MS4A4A: variants seen among roughly 807,000 people sequenced by gnomAD.
MS4A4A encodes membrane spanning 4-domains A4A.
In MS4A4A, 26 loss-of-function variants were observed where a neutral mutation model predicts 28.0. That is an observed-to-expected ratio of 0.93 (90% CI 0.68 to 1.29). The LOEUF is 1.29. MS4A4A is among the 50% of genes most tolerant of loss of function. MS4A4A has a pLI of 0.00. For missense variants in MS4A4A, 290 were observed against 293.1 expected (o/e 0.99, Z 0.08); for synonymous variants, 86 against 100.8 (o/e 0.85, Z 0.88).
At chr11:60,287,361 C>T (rs2084812105) in intron 1 of MS4A4A, among the ~76,000 whole-genome samples, 2 of 152,062 alleles carry the variant, frequency 1.3e-5, no homozygotes, top group South Asian at 4.1e-4. Context: ...AGAGATGGGG[C>T]CAAATTTATT....
At chr11:60,285,985 T>C (rs1181691021) in intron 1 of MS4A4A, among the ~76,000 whole-genome samples, 3 of 152,156 alleles carry the variant, frequency 2.0e-5, no homozygotes. Flanking sequence ...TTTCATCCCT[T>C]ATCTTCAATC....
intron 1 of MS4A4A, among the ~76,000 whole-genome samples, chr11:60,288,346 C>T (rs1328803068): frequency 2.6e-5 from 4 of 152,178 alleles, no homozygotes; most frequent in Admixed American, 6.5e-5. Context: ...GAGCTGGGGT[C>T]TTAGGCTCAG....
chr11:60,308,889 T>C lies in MS4A4A; in HGVS notation c.*711T>C, dbSNP rs2085032620. On this transcript the variant is annotated 3_prime_UTR_variant, in exon 7 of 7. Transcript: ENST00000337908. The stretch of plus-strand genomic sequence containing the variant: ...ACTGGGCATAATTATATCTTAATCA[T>C]ATATGGAAATGTGCAACATATGGTA... The C allele has an allele frequency of 6.6e-6, 1 of 152,244 alleles. No homozygotes were observed. The highest frequency in any genetic ancestry group is 6.5e-5 in the Admixed American group (1 of 15,282). The allele number at this position is 152,244 out of a possible 1,614,324, so 9.4% of individuals were successfully genotyped here. A position where few individuals can be genotyped will look rare whatever the true frequency, so the allele number is the denominator to read the frequency against.
intron 2 of MS4A4A, among the ~76,000 whole-genome samples, chr11:60,292,926 C>G (rs558488215): frequency 6.6e-6 from 1 of 152,118 alleles, no homozygotes. Flanking sequence ...CTTCAAACCA[C>G]GGGAAAATGT....
At chr11:60,307,991 G>C in intron 6 of MS4A4A, 116 bp from the exon 7 acceptor site, 1 of 916,294 alleles carries the variant, frequency 1.1e-6, no homozygotes, top group Non-Finnish European at 1.7e-6. Flanking sequence ...TTGATCTTGA[G>C]AATGAATCAG....
At chr11:60,282,378 C>T (rs1440995405) in intron 1 of MS4A4A, among the ~76,000 whole-genome samples, 5 of 152,212 alleles carry the variant, frequency 3.3e-5, no homozygotes, top group Non-Finnish European at 7.3e-5. Flanking sequence ...GAAGAATCAT[C>T]TTTAGTCACT....
intron 3 of MS4A4A, among the ~76,000 whole-genome samples, chr11:60,299,917 T>TA (rs1315369322): frequency 6.6e-6 from 1 of 152,206 alleles, no homozygotes; most frequent in East Asian, 1.9e-4. Flanking sequence ...ATTTCAATAT[T>TA]AAAAAATGTT....
intron 3 of MS4A4A, among the ~76,000 whole-genome samples, chr11:60,298,749 T>C (rs1258937784): frequency 1.3e-5 from 2 of 152,224 alleles, no homozygotes; most frequent in Non-Finnish European, 2.9e-5. Context: ...ACATGTTCAG[T>C]AGATTACCAG....
At chr11:60,285,858 T>G (rs777321706) in intron 1 of MS4A4A, among the ~76,000 whole-genome samples, 6 of 152,188 alleles carry the variant, frequency 3.9e-5, no homozygotes, top group Non-Finnish European at 8.8e-5. Context: ...TTGTCATTGA[T>G]AAACATCTTA....
intron 1 of MS4A4A, among the ~76,000 whole-genome samples, chr11:60,283,814 T>A (rs1452399001): frequency 1.3e-5 from 2 of 152,244 alleles, no homozygotes; most frequent in South Asian, 2.1e-4. Context: ...AATTTTGTGT[T>A]CTGTCTAGGA....
At chr11:60,303,457 C>T (rs1347887887) in intron 5 of MS4A4A, among the ~76,000 whole-genome samples, 1 of 152,160 alleles carries the variant, frequency 6.6e-6, no homozygotes, top group African/African-American at 2.4e-5. Flanking sequence ...CCTGTAATCC[C>T]AGCACTTTGG....
At chr11:60,294,354 C>T (rs571949709) in intron 2 of MS4A4A, among the ~76,000 whole-genome samples, 39 of 152,192 alleles carry the variant, frequency 2.6e-4, no homozygotes, top group Admixed American at 1.1e-3. Flanking sequence ...TTTTGGGTAA[C>T]GATCCTTTGT....
intron 1 of MS4A4A, among the ~76,000 whole-genome samples, chr11:60,281,645 C>CT (rs2084756435): frequency 6.6e-6 from 1 of 152,108 alleles, no homozygotes; most frequent in East Asian, 1.9e-4. Flanking sequence ...TTGTACCACT[C>CT]TCCTCATGCT....
chr11:60,302,767 G>T, intron 5 of MS4A4A, 50 bp downstream of exon 5: 3 of 1,552,170 alleles, frequency 1.9e-6, no homozygotes, highest in South Asian at 1.2e-5. Context: ...CAAGTTTGGG[G>T]AGTGCTGGCT....
At chr11:60,304,920 A>G (rs907747348) in intron 5 of MS4A4A, among the ~76,000 whole-genome samples, 1 of 152,242 alleles carries the variant, frequency 6.6e-6, no homozygotes, top group Non-Finnish European at 1.5e-5. Flanking sequence ...CACAGAGGCC[A>G]CTACAGCTGT....
intron 1 of MS4A4A, among the ~76,000 whole-genome samples, chr11:60,286,829 C>T (rs552749158): frequency 1.4e-3 from 219 of 152,232 alleles, no homozygotes; most frequent in African/African-American, 5.0e-3. Flanking sequence ...ATTTTCCAGC[C>T]GCTCTTTGAC....
chr11:60,300,404 C>T (rs1317491495), intron 3 of MS4A4A, among the ~76,000 whole-genome samples: 2 of 152,026 alleles, frequency 1.3e-5, no homozygotes, highest in South Asian at 4.1e-4. Context: ...ATCACGAGGT[C>T]AGGAGATCAA....
chr11:60,308,592 C>T lies in MS4A4A; in HGVS notation c.*414C>T, dbSNP rs761381542. 1 of 156,914 alleles carries T rather than the reference C, an allele frequency of 6.4e-6. No homozygotes were observed. The highest frequency in any genetic ancestry group is 1.4e-5 in the Non-Finnish European group (1 of 71,410). 9.7% of individuals were successfully genotyped at this position (156,914 alleles called of 1,614,324 possible). A position where few individuals can be genotyped will look rare whatever the true frequency, so the allele number is the denominator to read the frequency against. ...CTCCATGCAAAACACATACTTCCCTCCCATTTATTTAACTTTTTTTTTCTC... is the reference window on the plus strand; with the variant it reads ...CTCCATGCAAAACACATACTTCCCTTCCATTTATTTAACTTTTTTTTTCTC... On this transcript the variant is annotated 3_prime_UTR_variant, in exon 7 of 7. Coordinates refer to ENST00000337908, the MANE Select transcript of MS4A4A (RefSeq NM_148975.3).
At position 60,308,925 on chromosome 11, in the gene MS4A4A, A is replaced by G. The variant is rs574870744; in HGVS notation, c.*747A>G. 1 of 152,382 alleles carries G rather than the reference A, an allele frequency of 6.6e-6. No homozygotes were observed. The highest frequency in any genetic ancestry group is 2.4e-5 in the African/African-American group (1 of 41,590). The allele number at this position is 152,382 out of a possible 1,614,324, so 9.4% of individuals were successfully genotyped here. ...GTGCAACATATGGTATTTGTTAAAT[A>G]CGTTTGTTTTTATTGCAGAGCAAAA... On this transcript the variant is annotated 3_prime_UTR_variant, in exon 7 of 7. Coordinates refer to ENST00000337908, the MANE Select transcript of MS4A4A (RefSeq NM_148975.3).
Sources: allele counts gnomAD v4.1 joint callset (sites outside exome capture counted in the v4.1 genomes callset), GRCh38; gene constraint gnomAD v4.1.1; transcripts MANE v1.5; gene names NCBI Gene and HGNC (gene_info 2026-07-23, HGNC 2026-07-21).